The following LTA variants were observed in gnomAD, a reference collection of about 807,000 sequenced individuals.
LTA encodes the protein lymphotoxin alpha, also known as lymphotoxin-alpha.
A neutral mutation model predicts 15.1 loss-of-function variants in LTA; 6 were observed. The observed-to-expected ratio is 0.40, with a 90% CI of 0.22 to 0.78. The LOEUF (loss-of-function observed/expected upper bound fraction) is 0.78. Ranked by LOEUF, LTA falls within the 30% of genes least tolerant of loss-of-function variation. LTA has a pLI of 0.38. For missense variants in LTA, 173 were observed against 249.5 expected (o/e 0.69, Z 2.06); for synonymous variants, 87 against 107.3 (o/e 0.81, Z 1.17).
intron 3 of LTA, 104 bp downstream of exon 3, chr6:31,573,137 TAA>T: frequency 2.3e-6 from 2 of 868,612 alleles, no homozygotes; most frequent in Non-Finnish European, 3.2e-6. Context: ...TCCCCCACGC[TAA>T]AAAAAACAGA....
chr6:31,560,610 A>G, the LTA span, among the ~76,000 whole-genome samples: 1 of 152,196 alleles, frequency 6.6e-6, no homozygotes, highest in Admixed American at 6.5e-5. Flanking sequence ...GGGGTGACTC[A>G]GTGCCTGCCA....
chr6:31,567,297 A>T (rs1121800), upstream of LTA, among the ~76,000 whole-genome samples: 97,595 of 151,814 alleles, frequency 0.64, 31,738 homozygotes, highest in African/African-American at 0.74. Context: ...CCTCTCAAAC[A>T]AACAAAAAAA....
At chr6:31,566,108 G>C in the LTA span, among the ~76,000 whole-genome samples, 39 of 151,946 alleles carry the variant, frequency 2.6e-4, no homozygotes, top group African/African-American at 8.9e-4. Flanking sequence ...AACCTGGGAG[G>C]TGGAAGTTGC....
chr6:31,570,051 T>C (rs1011075820), upstream of LTA, among the ~76,000 whole-genome samples: 10 of 152,186 alleles, frequency 6.6e-5, no homozygotes, highest in African/African-American at 2.4e-4. Flanking sequence ...AAAAATAGTT[T>C]TCCCCTGGGT....
At chr6:31,562,729 G>T in the LTA span, among the ~76,000 whole-genome samples, 2 of 152,070 alleles carry the variant, frequency 1.3e-5, no homozygotes, top group African/African-American at 4.8e-5. Context: ...GCCAGGCGTG[G>T]TGGCACATGC....
At chr6:31,563,417 G>T in the LTA span, among the ~76,000 whole-genome samples, 1 of 152,286 alleles carries the variant, frequency 6.6e-6, no homozygotes, top group Non-Finnish European at 1.5e-5. Flanking sequence ...GAGGCACGGA[G>T]ATTTAGAACA....
chr6:31,568,906 T>C (rs1308448130), upstream of LTA, among the ~76,000 whole-genome samples: 1 of 152,222 alleles, frequency 6.6e-6, no homozygotes, highest in Non-Finnish European at 1.5e-5. The surrounding 1 kb of genome is among the most constrained non-coding windows in gnomAD (Gnocchi z 4.1). Context: ...CTTCCCTTTT[T>C]TGTCTTTCAA....
the LTA span, among the ~76,000 whole-genome samples, chr6:31,563,402 C>T: frequency 6.6e-6 from 1 of 152,236 alleles, no homozygotes; most frequent in Non-Finnish European, 1.5e-5. Context: ...GAGTGAAGAA[C>T]ATCAGAGGCA....
chr6:31,572,872 G>A, intron 2 of LTA, 31 bp downstream of exon 2: 4 of 1,610,490 alleles, frequency 2.5e-6, no homozygotes, highest in African/African-American at 1.3e-5. Flanking sequence ...GGGCTGCTGG[G>A]GTGGCTCAGC....
chr6:31,570,425 C>T (rs149139584), upstream of LTA, among the ~76,000 whole-genome samples: 6 of 152,306 alleles, frequency 3.9e-5, no homozygotes, highest in African/African-American at 1.4e-4. Context: ...CACCACCAGC[C>T]CCAGCTCCAA....
chr6:31,573,446 C>T lies in LTA; in HGVS notation c.371C>T (p.Ala124Val), dbSNP rs1234546438. The change falls in exon 4 of 4, where the codon GCC becomes GTC. Residue 124 changes from alanine to valine, a missense_variant. Coordinates refer to ENST00000418386, the MANE Select transcript of LTA (RefSeq NM_000595.4). Reference sequence around the variant, plus strand: ...TCTGGGAAAGCCTACTCTCCCAAGGCCACCTCCTCCCCACTCTACCTGGCC... The same window carrying T: ...TCTGGGAAAGCCTACTCTCCCAAGGTCACCTCCTCCCCACTCTACCTGGCC... ...VFSGKAYSPK[A>V]TSSPLYLAHE... 1 of 1,614,138 alleles carries T rather than the reference C, an allele frequency of 6.2e-7. No homozygotes were observed. Among genetic ancestry groups the T allele is most frequent in the South Asian group, 1.1e-5 (1 of 91,088 alleles).
the LTA span, among the ~76,000 whole-genome samples, chr6:31,561,410 C>T: frequency 6.6e-6 from 1 of 152,138 alleles, no homozygotes; most frequent in East Asian, 1.9e-4. Context: ...GGTGGCCAGG[C>T]ACCTCACTCC....
chr6:31,561,672 C>T, the LTA span, among the ~76,000 whole-genome samples: 1 of 150,718 alleles, frequency 6.6e-6, no homozygotes, highest in Non-Finnish European at 1.5e-5. Context: ...GTCTGGGTGA[C>T]AGAGCAAGAC....
upstream of LTA, among the ~76,000 whole-genome samples, chr6:31,567,647 C>A (rs1339218686): frequency 8.7e-5 from 6 of 69,042 alleles, no homozygotes; most frequent in African/African-American, 2.9e-4. Context: ...TCCCCTGCAA[C>A]ACACACACAC....
At chr6:31,571,061 C>CT (rs9279358), upstream of LTA, among the ~76,000 whole-genome samples, 1,530 of 134,232 alleles carry the variant, frequency 0.011, 12 homozygotes, top group South Asian at 0.036. Context: ...ATTTTGGAAA[C>CT]TTTTTTTTTT....
chr6:31,560,661 A>T, the LTA span, among the ~76,000 whole-genome samples: 1 of 152,168 alleles, frequency 6.6e-6, no homozygotes. Flanking sequence ...TGCTCTCTAG[A>T]GCTGGCACCA....
At chr6:31,572,652 C>A (rs746868) in intron 1 of LTA, 82 bp from the exon 2 acceptor site, 22 of 949,358 alleles carry the variant, frequency 2.3e-5, no homozygotes, top group Admixed American at 7.7e-5. Context: ...GGGGGGTGCT[C>A]TCTCCCAGGG....
the LTA span, among the ~76,000 whole-genome samples, chr6:31,562,247 T>C: frequency 6.6e-6 from 1 of 151,904 alleles, no homozygotes; most frequent in African/African-American, 2.4e-5. Flanking sequence ...CCGTTTCCAT[T>C]TAATAGAGGG....
chr6:31,573,326 A>G lies in LTA; in HGVS notation c.251A>G (p.Asp84Gly). The part of the protein sequence containing the change: ...QNSLLWRANT[D>G]RAFLQDGFSL... Reference sequence around the variant, plus strand: ...TCACTGCTCTGGAGAGCAAACACGGACCGTGCCTTCCTCCAGGATGGTTTC... The same window carrying G: ...TCACTGCTCTGGAGAGCAAACACGGGCCGTGCCTTCCTCCAGGATGGTTTC... The change falls in exon 4 of 4, where the codon GAC (aspartate) becomes GGC (glycine). Residue 84 changes from aspartate to glycine, a missense_variant. By Grantham distance (94) the Asp-to-Gly change is moderately conservative (BLOSUM62 -1). Coordinates refer to ENST00000418386, the MANE Select transcript of LTA (RefSeq NM_000595.4). The G allele has an allele frequency of 6.2e-7, 1 of 1,613,832 alleles. No homozygotes were observed. The highest frequency in any genetic ancestry group is 1.7e-5 in the Admixed American group (1 of 59,992).
Sources: gnomAD v4.1 joint callset for allele counts (sites outside exome capture counted in the v4.1 genomes callset) on GRCh38, gnomAD v4.1.1 for gene constraint, Gnocchi (gnomAD v3.1) non-coding constraint, MANE v1.5 for transcripts, NCBI Gene and HGNC (gene_info 2026-07-23, HGNC 2026-07-21) for gene names.